The following TBL1X variants were observed in gnomAD, a reference collection of about 807,000 sequenced individuals.
TBL1X encodes the protein transducin beta like 1 X-linked.
TBL1X carries 10 observed loss-of-function variants against 50.7 expected under a neutral mutation model. That is an observed-to-expected ratio of 0.20 (90% confidence interval 0.12 to 0.33). The LOEUF (loss-of-function observed/expected upper bound fraction) is 0.33, where lower values mean the gene tolerates loss of function less well. Ranked by LOEUF, TBL1X falls within the 10% of genes least tolerant of loss-of-function variation. TBL1X has a pLI of 1.00. For missense variants in TBL1X, 340 were observed against 504.4 expected (o/e 0.67, Z 3.12); for synonymous variants, 190 against 214.7 (o/e 0.88, Z 1.01).
At chrX:9,476,739 G>A (rs1353993931) in intron 1 of TBL1X, among the ~76,000 whole-genome samples, 1 of 100,538 alleles carries the variant, frequency 9.9e-6, no homozygotes, top group Non-Finnish European at 2.0e-5. Flanking sequence ...CATTGTTGAA[G>A]CACCATCTAC....
chrX:9,627,307 T>C (rs188509846), intron 2 of TBL1X, among the ~76,000 whole-genome samples: 143 of 112,082 alleles, frequency 1.3e-3, no homozygotes, highest in Middle Eastern at 4.6e-3. Context: ...ATAAATAATA[T>C]ATTAAGTGTT....
chrX:9,688,354 T>A, intron 7 of TBL1X, 79 bp downstream of exon 7: 1 of 879,356 alleles, frequency 1.1e-6, no homozygotes, highest in Non-Finnish European at 1.5e-6. Flanking sequence ...GAATGCCTTC[T>A]TAAAAACCTG....
intron 5 of TBL1X, among the ~76,000 whole-genome samples, chrX:9,677,263 C>T (rs1443502943): frequency 7.2e-5 from 8 of 111,461 alleles, no homozygotes; most frequent in Non-Finnish European, 1.3e-4. Context: ...GCTGTGCTGA[C>T]TCCGCTATGA....
chrX:9,514,324 C>T (rs1470278272), intron 2 of TBL1X, among the ~76,000 whole-genome samples: 2 of 77,834 alleles, frequency 2.6e-5, no homozygotes, highest in Admixed American at 1.6e-4. Flanking sequence ...CCCCACATGA[C>T]ACTGTGAGTG....
intron 2 of TBL1X, among the ~76,000 whole-genome samples, chrX:9,564,964 A>G (rs1487267537): frequency 9.1e-6 from 1 of 110,394 alleles, no homozygotes; most frequent in Non-Finnish European, 1.9e-5. Context: ...GGAGAACACA[A>G]AAAGTATACT....
At position 9,643,945 on chromosome X, in the gene TBL1X, G is replaced by A. The variant is rs191739163; in HGVS notation, c.-43+3585G>A. Among the ~76,000 whole-genome samples the A allele has an allele frequency of 1.8e-4, 20 of 111,935 alleles. 1 individual carries two copies. In the Admixed American group the frequency reaches 1.8e-3, roughly 10 times the overall value. ...GGGGATGGGGCACCGCCTGCCTTTC[G>A]AACTGTAGGGTACGCTTCAGAGTTT... On this transcript the variant is annotated intron_variant, in intron 3 of 17. Coordinates refer to ENST00000645353, the MANE Select transcript of TBL1X (RefSeq NM_005647.4).
At chrX:9,682,305 G>A (rs187197358) in intron 5 of TBL1X, among the ~76,000 whole-genome samples, 2 of 112,077 alleles carry the variant, frequency 1.8e-5, no homozygotes, top group African/African-American at 6.5e-5. Flanking sequence ...ACACAGGGGC[G>A]GAGGAACCCT....
chrX:9,653,888 CT>C (rs1296465740), intron 4 of TBL1X, among the ~76,000 whole-genome samples, 199 bp downstream of exon 4: 3 of 111,996 alleles, frequency 2.7e-5, no homozygotes, highest in African/African-American at 9.8e-5. Context: ...ATGCACAGAG[CT>C]TTATTGAACG....
intron 2 of TBL1X, among the ~76,000 whole-genome samples, chrX:9,522,502 G>A (rs762138544): frequency 9.0e-6 from 1 of 111,286 alleles, no homozygotes; most frequent in East Asian, 2.8e-4. Flanking sequence ...TAGCAGGTGG[G>A]AGGAGCTCTC....
intron 1 of TBL1X, among the ~76,000 whole-genome samples, chrX:9,501,156 G>A (rs192300845): frequency 2.7e-4 from 30 of 111,996 alleles, no homozygotes; most frequent in African/African-American, 9.4e-4. Context: ...CATAGCATAA[G>A]GGTCAAGTAC....
intron 2 of TBL1X, among the ~76,000 whole-genome samples, chrX:9,619,139 C>A (rs779067098): frequency 6.2e-5 from 7 of 112,365 alleles, no homozygotes; most frequent in Non-Finnish European, 1.1e-4. Context: ...GATTTATGCA[C>A]ATTCTAAACA....
At chrX:9,553,724 A>G (rs1341825758) in intron 2 of TBL1X, among the ~76,000 whole-genome samples, 1 of 112,311 alleles carries the variant, frequency 8.9e-6, no homozygotes, top group Non-Finnish European at 1.9e-5. Context: ...TATGCTAAGC[A>G]TAAATGACCA....
intron 1 of TBL1X, among the ~76,000 whole-genome samples, chrX:9,490,677 T>C (rs775832032): frequency 1.8e-5 from 2 of 112,437 alleles, no homozygotes; most frequent in African/African-American, 3.2e-5. Context: ...AGGTTTGATA[T>C]CTCGCAGATA....
intron 1 of TBL1X, among the ~76,000 whole-genome samples, chrX:9,465,909 A>T (rs1309394574): frequency 8.9e-6 from 1 of 112,396 alleles, no homozygotes; most frequent in Non-Finnish European, 1.9e-5. Context: ...CCCCATTCAT[A>T]CCCGGGACGC....
chrX:9,577,201 C>G (rs1287984348), intron 2 of TBL1X, among the ~76,000 whole-genome samples: 4 of 112,053 alleles, frequency 3.6e-5, no homozygotes. Flanking sequence ...CCCAATAGGA[C>G]TGCCCTGTGA....
At chrX:9,572,471 T>A (rs764662703) in intron 2 of TBL1X, among the ~76,000 whole-genome samples, 1 of 113,167 alleles carries the variant, frequency 8.8e-6, no homozygotes, top group South Asian at 3.6e-4. Flanking sequence ...TGGGGACACT[T>A]CGCAATCAGC....
chrX:9,598,143 C>T (rs1286787575), intron 2 of TBL1X, among the ~76,000 whole-genome samples: 1 of 111,560 alleles, frequency 9.0e-6, no homozygotes, highest in African/African-American at 3.3e-5. Context: ...GATTCTCCCT[C>T]ACAGCCCTCA....
At chrX:9,512,505 T>A (rs1294262081) in intron 2 of TBL1X, among the ~76,000 whole-genome samples, 1 of 85,362 alleles carries the variant, frequency 1.2e-5, no homozygotes, top group Non-Finnish European at 2.4e-5. Context: ...TACGTTTTTT[T>A]GTTTTTTGGT....
chrX:9,545,861 T>C (rs2082239517), intron 2 of TBL1X, among the ~76,000 whole-genome samples: 1 of 111,964 alleles, frequency 8.9e-6, no homozygotes, highest in Non-Finnish European at 1.9e-5. Flanking sequence ...GTATTTTACG[T>C]CTCTTTAGTC....
Sources: gnomAD v4.1 joint callset for allele counts (sites outside exome capture counted in the v4.1 genomes callset) on GRCh38, gnomAD v4.1.1 for gene constraint, MANE v1.5 for transcripts, NCBI Gene and HGNC (gene_info 2026-07-23, HGNC 2026-07-21) for gene names.